GABRA3: variants seen among roughly 807,000 people sequenced by gnomAD.
GABRA3 encodes gamma-aminobutyric acid type A receptor subunit alpha3.
In GABRA3, 10 loss-of-function variants were observed where a neutral mutation model predicts 30.1. The observed-to-expected ratio is 0.33, with a 90% CI of 0.20 to 0.56. The LOEUF (loss-of-function observed/expected upper bound fraction) is 0.56, where lower values mean the gene tolerates loss of function less well. GABRA3 is among the 20% of genes least tolerant of loss of function. GABRA3 has a pLI of 0.89. For synonymous variants in GABRA3, 151 were observed against 146.8 expected (o/e 1.03, Z -0.21); for missense variants, 233 against 392.0 (o/e 0.59, Z 3.42).
intron 4 of GABRA3, among the ~76,000 whole-genome samples, chrX:152,273,042 G>C (rs1430073819): frequency 3.6e-5 from 4 of 110,344 alleles, no homozygotes; most frequent in Non-Finnish European, 5.7e-5. Flanking sequence ...ATCTGACAAG[G>C]GATTAACAAC....
intron 2 of GABRA3, among the ~76,000 whole-genome samples, chrX:152,350,027 C>G (rs1219730191): frequency 1.2e-5 from 1 of 82,999 alleles, no homozygotes; most frequent in East Asian, 3.9e-4. Context: ...CACACCACAC[C>G]TATTCCAAAA....
Position 152,410,186 on chromosome X carries a change from C to A in GABRA3, c.-27+40960G>T, listed in dbSNP as rs192049044. On this transcript the variant is annotated intron_variant, in intron 1 of 9. Coordinates refer to ENST00000370314, the MANE Select transcript of GABRA3 (RefSeq NM_000808.4). ...AAATTAAAACAATTCAACTCACCAA[C>A]ATAAAGAGTAGAATGAGGGTTATCA... Among the ~76,000 whole-genome samples the A allele has an allele frequency of 3.1e-3, 344 of 111,358 alleles. 1 individual carries two copies. Among genetic ancestry groups the A allele is most frequent in the African/African-American group, 0.011 (329 of 30,686 alleles).
chrX:152,350,067 C>G (rs1477074228), intron 2 of GABRA3, among the ~76,000 whole-genome samples: 17 of 92,065 alleles, frequency 1.8e-4, no homozygotes, highest in Non-Finnish European at 3.4e-4. Context: ...TAAAGCTCTC[C>G]TCAGCAAATG....
intron 1 of GABRA3, among the ~76,000 whole-genome samples, chrX:152,373,776 C>T (rs1476744846): frequency 1.8e-5 from 2 of 109,268 alleles, no homozygotes; most frequent in Non-Finnish European, 3.8e-5. Flanking sequence ...ATCCCTCCCC[C>T]ATCCCCCCAC....
intron 1 of GABRA3, among the ~76,000 whole-genome samples, chrX:152,448,471 T>G (rs1931141659): frequency 9.0e-6 from 1 of 111,513 alleles, no homozygotes; most frequent in Admixed American, 9.5e-5. Flanking sequence ...CTGAGGCACA[T>G]GGAGGGGAAG....
intron 9 of GABRA3, among the ~76,000 whole-genome samples, chrX:152,175,033 A>G (rs1362089118): frequency 8.9e-6 from 1 of 111,961 alleles, no homozygotes; most frequent in African/African-American, 3.2e-5. Context: ...TCCCAGCACC[A>G]TTTATTAAAT....
chrX:152,279,595 C>A (rs906129145), intron 4 of GABRA3, among the ~76,000 whole-genome samples: 2 of 110,526 alleles, frequency 1.8e-5, no homozygotes, highest in Non-Finnish European at 3.8e-5. Flanking sequence ...GCAATGCGGG[C>A]TTTTTTTTGG....
chrX:152,323,595 C>T (rs776928414), intron 3 of GABRA3, among the ~76,000 whole-genome samples: 25 of 112,151 alleles, frequency 2.2e-4, no homozygotes, highest in African/African-American at 8.1e-4. Flanking sequence ...AGAAAGAATT[C>T]CTTCTGCACT....
At chrX:152,350,856 TG>T (rs1940468971) in intron 2 of GABRA3, among the ~76,000 whole-genome samples, 1 of 112,201 alleles carries the variant, frequency 8.9e-6, no homozygotes, top group Admixed American at 9.5e-5. Flanking sequence ...TCTTGATCAA[TG>T]GGCTGAAGAA....
Position 152,186,241 on chromosome X carries a change from G to A in GABRA3, c.1143+3489C>T, listed in dbSNP as rs757343772. On this transcript the variant is annotated intron_variant, in intron 9 of 9. Transcript: ENST00000370314. ...TTATTTATTTATTTATTTAGAGACC[G>A]AGTCTCTGTCTGTTGCCCAGGCTGG... Among the ~76,000 whole-genome samples, 6 of 110,904 alleles carry A rather than the reference G, an allele frequency of 5.4e-5. No individual in the cohort carries two copies. In the Admixed American group the frequency reaches 5.8e-4, roughly 11 times the overall value.
intron 3 of GABRA3, among the ~76,000 whole-genome samples, chrX:152,308,430 G>GC (rs1441499788): frequency 8.0e-5 from 9 of 112,044 alleles, no homozygotes; most frequent in African/African-American, 2.9e-4. Context: ...GAACATCTCA[G>GC]CCCCTCCAGT....
intron 9 of GABRA3, among the ~76,000 whole-genome samples, chrX:152,185,657 G>A (rs776623009): frequency 5.4e-5 from 6 of 111,245 alleles, no homozygotes; most frequent in East Asian, 2.8e-4. Flanking sequence ...CTCTAAACAC[G>A]GGCCAACCAG....
At chrX:152,329,452 CA>C (rs1480085510) in intron 3 of GABRA3, among the ~76,000 whole-genome samples, 1 of 111,924 alleles carries the variant, frequency 8.9e-6, no homozygotes, top group African/African-American at 3.2e-5. Context: ...AATTATACTA[CA>C]AAGCTACAGT....
intron 3 of GABRA3, among the ~76,000 whole-genome samples, chrX:152,339,376 G>A (rs1311288981): frequency 9.1e-6 from 1 of 109,354 alleles, no homozygotes; most frequent in African/African-American, 3.3e-5. Context: ...ACGCCACCAC[G>A]CCTGGATAAT....
chrX:152,242,030 A>G (rs1938388438), intron 5 of GABRA3, among the ~76,000 whole-genome samples: 1 of 111,555 alleles, frequency 9.0e-6, no homozygotes, highest in African/African-American at 3.3e-5. Flanking sequence ...GGCTCCTCCT[A>G]TTTGATTTCT....
intron 2 of GABRA3, among the ~76,000 whole-genome samples, chrX:152,346,339 C>G (rs1929195811): frequency 9.0e-6 from 1 of 111,544 alleles, no homozygotes; most frequent in Non-Finnish European, 1.9e-5. Context: ...AAAATCACAT[C>G]AAAATGGATT....
rs957370735 is a variant in GABRA3 at position 152,181,447 on chromosome X, T to C, written c.1143+8283A>G. Among the ~76,000 whole-genome samples, 177 of 111,465 alleles carry C rather than the reference T, an allele frequency of 1.6e-3. 1 individual carries two copies. Among genetic ancestry groups the C allele is most frequent in the Middle Eastern group, 4.6e-3 (1 of 218 alleles). On this transcript the variant is annotated intron_variant, in intron 9 of 9. Coordinates refer to ENST00000370314, the MANE Select transcript of GABRA3 (RefSeq NM_000808.4). Reference sequence around the variant, plus strand: ...AGCTTTTTTCTTTTCTTTTCTTTTCTTTTTTGTAGGGTCTTTAGGGTTTTC... The same window carrying C: ...AGCTTTTTTCTTTTCTTTTCTTTTCCTTTTTGTAGGGTCTTTAGGGTTTTC...
At chrX:152,363,411 C>T (rs1203615953) in intron 2 of GABRA3, among the ~76,000 whole-genome samples, 1 of 111,693 alleles carries the variant, frequency 9.0e-6, no homozygotes, top group East Asian at 2.8e-4. Context: ...CAGGGAGTCG[C>T]CTCACCTAAA....
rs1369629470 is a variant in GABRA3 at position 152,224,791 on chromosome X, C to A, written c.606G>T (p.Val202=). The A allele has an allele frequency of 4.2e-6, 5 of 1,194,851 alleles. No homozygotes were observed. The East Asian group carries it at 1.2e-4, about 28-fold the overall frequency. The part of the protein sequence containing the change: ...PMHLEDFPMD[V]HACPLKFGSY... Reference sequence around the variant, plus strand: ...TTCCAAACTTCAGTGGGCAGGCATGCACATCCATGGGAAAATCTTCCAAAT... The same window carrying A: ...TTCCAAACTTCAGTGGGCAGGCATGAACATCCATGGGAAAATCTTCCAAAT... Residue 202 remains valine (V), a synonymous_variant, in exon 6 of 10, where the codon GTG becomes GTT. Transcript: ENST00000370314.
Sources: gnomAD v4.1 joint callset for allele counts (sites outside exome capture counted in the v4.1 genomes callset) on GRCh38, gnomAD v4.1.1 for gene constraint, MANE v1.5 for transcripts, NCBI Gene and HGNC (gene_info 2026-07-23, HGNC 2026-07-21) for gene names.